KANK1: variants seen among roughly 807,000 people sequenced by gnomAD.
KANK1 encodes the protein KN motif and ankyrin repeat domains 1.
A neutral mutation model predicts 106.2 loss-of-function variants in KANK1; 109 were observed. That is an observed-to-expected ratio of 1.03 (90% CI 0.88 to 1.20). KANK1 has a LOEUF of 1.20. Ranked by LOEUF, KANK1 falls within the 50% of genes most tolerant of loss-of-function variation. KANK1 has a pLI of 0.00. For synonymous variants in KANK1, 873 were observed against 652.2 expected (o/e 1.34, Z -5.16); for missense variants, 2,399 against 1,710.7 (o/e 1.40, Z -7.10).
intron 1 of KANK1, among the ~76,000 whole-genome samples, chr9:591,421 G>A (rs778706076): frequency 4.0e-5 from 6 of 151,702 alleles, no homozygotes; most frequent in African/African-American, 7.3e-5. Context: ...GCCTGAGCTC[G>A]TCATGGCATT....
At chr9:509,650 G>A (rs12347670) in intron 1 of KANK1, among the ~76,000 whole-genome samples, 23,839 of 152,066 alleles carry the variant, frequency 0.16, 3,346 homozygotes, top group African/African-American at 0.38. Flanking sequence ...AGTACATACC[G>A]TTGTGGAAAT....
At chr9:554,432 C>T (rs1009597830) in intron 1 of KANK1, among the ~76,000 whole-genome samples, 10 of 152,168 alleles carry the variant, frequency 6.6e-5, no homozygotes, top group Admixed American at 2.0e-4. Context: ...GATGAGCATC[C>T]ATGTTGGCGG....
chr9:474,229 A>C (rs1023171971), intron 3 of KANK1, among the ~76,000 whole-genome samples: 5 of 152,172 alleles, frequency 3.3e-5, no homozygotes, highest in Non-Finnish European at 5.9e-5. Context: ...ATTGAGTCTA[A>C]ATGCTGTTGG....
At chr9:709,610 C>CTTTT (rs60899850) in intron 2 of KANK1, among the ~76,000 whole-genome samples, 1 of 137,028 alleles carries the variant, frequency 7.3e-6, no homozygotes, top group Non-Finnish European at 1.6e-5. Flanking sequence ...GCTTTCATGT[C>CTTTT]TTTTTTTTTT....
intron 1 of KANK1, among the ~76,000 whole-genome samples, chr9:590,073 C>T (rs1288159438): frequency 1.3e-5 from 2 of 152,244 alleles, no homozygotes; most frequent in East Asian, 3.9e-4. Flanking sequence ...AGGAAAAAAA[C>T]GGCACTCTGC....
chr9:744,053 T>C (rs1383594652), intron 10 of KANK1, among the ~76,000 whole-genome samples: 1 of 152,216 alleles, frequency 6.6e-6, no homozygotes, highest in African/African-American at 2.4e-5. Flanking sequence ...ACACAGATGT[T>C]ACTTGTAGCC....
intron 1 of KANK1, among the ~76,000 whole-genome samples, chr9:604,419 T>C: frequency 6.6e-6 from 1 of 151,684 alleles, no homozygotes; most frequent in South Asian, 2.1e-4. Flanking sequence ...GGAGTTCTCA[T>C]GAGATCTAAT....
intron 4 of KANK1, 40 bp downstream of exon 4, chr9:730,288 A>G: frequency 6.3e-7 from 1 of 1,584,840 alleles, no homozygotes. Flanking sequence ...TCAGGATTCT[A>G]GGGCCAGCAT....
chr9:473,684 C>G (rs1308641177), intron 3 of KANK1, among the ~76,000 whole-genome samples: 4 of 152,116 alleles, frequency 2.6e-5, no homozygotes, highest in Admixed American at 1.3e-4. Flanking sequence ...AACTATCTTG[C>G]ACCCAGAAAG....
chr9:615,054 C>T (rs757853561), intron 1 of KANK1, among the ~76,000 whole-genome samples: 2 of 150,838 alleles, frequency 1.3e-5, no homozygotes, highest in African/African-American at 2.4e-5. Flanking sequence ...AATTCTCTTA[C>T]TCAGCCTTCC....
intron 11 of KANK1, chr9:744,944 G>GT: frequency 6.9e-7 from 1 of 1,444,702 alleles, no homozygotes; most frequent in Non-Finnish European, 9.1e-7. Context: ...GTAGTCCACA[G>GT]TTCACTCTGA....
chr9:617,638 G>C (rs899855231), intron 1 of KANK1, among the ~76,000 whole-genome samples: 2 of 152,102 alleles, frequency 1.3e-5, no homozygotes, highest in African/African-American at 4.8e-5. Flanking sequence ...CACCAATATG[G>C]GTGGGCAGGA....
chr9:559,641 C>T (rs901207762), intron 1 of KANK1, among the ~76,000 whole-genome samples: 12 of 152,006 alleles, frequency 7.9e-5, no homozygotes, highest in Non-Finnish European at 1.8e-4. Flanking sequence ...TCTTTCAAGA[C>T]GGGAGAAGGG....
chr9:713,136 G>A lies in KANK1; in HGVS notation c.2370G>A (p.Leu790=), dbSNP rs1826667918. The A allele has an allele frequency of 3.1e-6, 5 of 1,598,152 alleles. No homozygotes were observed. The highest frequency in any genetic ancestry group is 1.3e-5 in the African/African-American group (1 of 74,636). The change falls in exon 3 of 12, where the codon CTG becomes CTA. Residue 790 remains leucine (L), a synonymous_variant. Coordinates refer to ENST00000382297, the MANE Select transcript of KANK1 (RefSeq NM_015158.5). ...GGCCACCACAGTTGACTGTGGGGCTGACAGCCAGCAGAAGGAGCGTGGGGG... is the reference window on the plus strand; with the variant it reads ...GGCCACCACAGTTGACTGTGGGGCTAACAGCCAGCAGAAGGAGCGTGGGGG... ...ACGPPQLTVG[L]TASRRSVGVG...
At chr9:670,726 G>C (rs1441594866) in intron 1 of KANK1, among the ~76,000 whole-genome samples, 1 of 152,128 alleles carries the variant, frequency 6.6e-6, no homozygotes. Context: ...TCCACAGGGT[G>C]GTATCTCCCT....
At chr9:679,917 T>C (rs925970984) in intron 2 of KANK1, among the ~76,000 whole-genome samples, 5 of 152,134 alleles carry the variant, frequency 3.3e-5, no homozygotes, top group Admixed American at 1.3e-4. Flanking sequence ...ACCTCTCCAA[T>C]GTTTAAAAAA....
chr9:535,154 C>T (rs1466155511), intron 1 of KANK1, among the ~76,000 whole-genome samples: 5 of 152,162 alleles, frequency 3.3e-5, no homozygotes, highest in East Asian at 1.9e-4. Flanking sequence ...AAAGAAACAA[C>T]GCAGCCTCCT....
At chr9:649,009 T>C (rs1195127238) in intron 1 of KANK1, among the ~76,000 whole-genome samples, 1 of 152,202 alleles carries the variant, frequency 6.6e-6, no homozygotes, top group East Asian at 1.9e-4. Context: ...TAAGTGGCGA[T>C]GACACTGAGA....
chr9:640,761 A>G (rs1465786687), intron 1 of KANK1, among the ~76,000 whole-genome samples: 6 of 149,360 alleles, frequency 4.0e-5, no homozygotes, highest in Non-Finnish European at 7.4e-5. Context: ...CAGTGGTGCA[A>G]TCTTGGCTCA....
Sources: gnomAD v4.1 joint callset for allele counts (sites outside exome capture counted in the v4.1 genomes callset) on GRCh38, gnomAD v4.1.1 for gene constraint, MANE v1.5 for transcripts, NCBI Gene and HGNC (gene_info 2026-07-23, HGNC 2026-07-21) for gene names.